The following FILIP1L variants were observed in gnomAD, a reference collection of about 807,000 sequenced individuals.
FILIP1L encodes filamin A-interacting protein 1-like.
Under a neutral mutation model 96.6 loss-of-function variants are expected in FILIP1L, and 55 were observed. The ratio of observed to expected loss-of-function variants is 0.57; its 90% confidence interval spans 0.46 to 0.71. FILIP1L has a LOEUF of 0.71. Among genes scored for constraint, FILIP1L ranks in the 30% least tolerant of loss-of-function variants. FILIP1L has a pLI of 0.00. For missense variants in FILIP1L, 1,304 were observed against 1,321.2 expected, an observed-to-expected ratio of 0.99 and a Z score of 0.20; for synonymous variants, 467 against 473.9, an observed-to-expected ratio of 0.99 and a Z score of 0.19.
At chr3:99,903,686 C>T (rs997233736) in intron 4 of FILIP1L, among the ~76,000 whole-genome samples, 2 of 152,072 alleles carry the variant, frequency 1.3e-5, no homozygotes, top group Non-Finnish European at 2.9e-5. Context: ...AAGCTTGCAT[C>T]TTAACAGGAC....
intron 1 of FILIP1L, among the ~76,000 whole-genome samples, chr3:100,081,587 G>T (rs1487435669): frequency 6.6e-6 from 1 of 152,160 alleles, no homozygotes; most frequent in Non-Finnish European, 1.5e-5. Flanking sequence ...TTTGGCCTCT[G>T]CACCCTAATT....
At position 99,920,145 on chromosome 3, in the gene FILIP1L, C is replaced by A. The variant is rs572313392; in HGVS notation, c.605+4085G>T. Among the ~76,000 whole-genome samples the A allele has an allele frequency of 1.2e-4, 18 of 152,260 alleles. No homozygotes were observed. In the South Asian group the frequency reaches 3.5e-3, roughly 30 times the overall value. ...ATACAGAGCTGCCATAACAATATTT[C>A]TTTCCTGCTTTAGTTGTTGTTTCAA... On this transcript the variant is annotated intron_variant, in intron 4 of 5. Transcript: ENST00000477258.
chr3:99,974,165 A>G (rs1708901541), intron 1 of FILIP1L, among the ~76,000 whole-genome samples: 1 of 152,198 alleles, frequency 6.6e-6, no homozygotes, highest in South Asian at 2.1e-4. Flanking sequence ...ATTGGACAAT[A>G]TGAGTATTTC....
chr3:99,907,392 C>T (rs1228138514), intron 4 of FILIP1L, among the ~76,000 whole-genome samples: 2 of 152,060 alleles, frequency 1.3e-5, no homozygotes, highest in Non-Finnish European at 2.9e-5. Flanking sequence ...GGACTACAGG[C>T]GCCCACCACC....
chr3:99,841,192 A>G (rs988358016), intron 5 of FILIP1L, among the ~76,000 whole-genome samples: 1 of 152,226 alleles, frequency 6.6e-6, no homozygotes, highest in African/African-American at 2.4e-5. Flanking sequence ...TTGCATAAGG[A>G]TCGTTTCCAC....
At chr3:99,996,636 TG>T in intron 1 of FILIP1L, among the ~76,000 whole-genome samples, 1 of 152,250 alleles carries the variant, frequency 6.6e-6, no homozygotes, top group African/African-American at 2.4e-5. Context: ...TCCACATGTC[TG>T]GGGAGTCCTC....
Position 100,046,856 on chromosome 3 carries a change from G to A in FILIP1L, c.-11+67197C>T, listed in dbSNP as rs540301341. 9.8e-5 allele frequency among the ~76,000 whole-genome samples: 15 copies of A among 152,322 alleles called. No homozygotes were observed. The East Asian group carries it at 2.5e-3, about 25-fold the overall frequency. ...TGCTCAGTGAGTGGTGAGTGGCCAA[G>A]TAACCCAGTTTTCCTATTTTCCATG... On this transcript the variant is annotated intron_variant, in intron 1 of 5. Coordinates refer to ENST00000477258, the MANE Select transcript of FILIP1L (RefSeq NM_001387850.1).
chr3:99,831,912 C>T (rs974578081), intron 5 of FILIP1L, among the ~76,000 whole-genome samples: 1 of 152,196 alleles, frequency 6.6e-6, no homozygotes, highest in Non-Finnish European at 1.5e-5. Context: ...TCACCTGGAA[C>T]TCTAGCCTAC....
chr3:99,962,984 G>A (rs1404557479), intron 1 of FILIP1L, among the ~76,000 whole-genome samples: 2 of 152,236 alleles, frequency 1.3e-5, no homozygotes, highest in Admixed American at 6.5e-5. Flanking sequence ...TTGCTGCATG[G>A]AAGAGATTGC....
intron 5 of FILIP1L, among the ~76,000 whole-genome samples, chr3:99,841,325 T>G (rs1559651715): frequency 6.6e-6 from 1 of 152,248 alleles, no homozygotes; most frequent in East Asian, 1.9e-4. Context: ...TCAGATAAAC[T>G]GGAGCTTTCC....
chr3:100,010,209 T>C (rs559759392), intron 1 of FILIP1L: 2 of 762,262 alleles, frequency 2.6e-6, no homozygotes. Context: ...TATCAAATGA[T>C]GTAAACTGTC....
Position 99,849,310 on chromosome 3 carries a change from C to A in FILIP1L, c.2366G>T (p.Arg789Ile), listed in dbSNP as rs1943537171. The A allele has an allele frequency of 6.2e-7, 1 of 1,613,994 alleles. No individual in the cohort carries two copies. The highest frequency in any genetic ancestry group is 8.5e-7 in the Non-Finnish European group (1 of 1,179,994). ...AGAAAATACTTGAGGATCGGAAATTCTTCTTCCATTGAGACTAGGCCTGAG... is the reference window on the plus strand; with the variant it reads ...AGAAAATACTTGAGGATCGGAAATTATTCTTCCATTGAGACTAGGCCTGAG... ...KSLRPSLNGR[R>I]ISDPQVFSKE... is the part of the protein sequence containing the mutation. The change falls in exon 5 of 6, where the codon AGA becomes ATA. Residue 789 changes from arginine to isoleucine, a missense_variant. Physicochemically the swap from Arg to Ile is moderately conservative, Grantham distance 97 (BLOSUM62 -3). Coordinates refer to ENST00000477258, the MANE Select transcript of FILIP1L (RefSeq NM_001387850.1).
chr3:99,958,947 T>C (rs1483982878), intron 1 of FILIP1L, among the ~76,000 whole-genome samples: 2 of 152,198 alleles, frequency 1.3e-5, no homozygotes, highest in Non-Finnish European at 2.9e-5. Flanking sequence ...AATAATGAGC[T>C]CTATACCACT....
At chr3:100,051,669 C>A (rs938634323) in intron 1 of FILIP1L, among the ~76,000 whole-genome samples, 1 of 151,688 alleles carries the variant, frequency 6.6e-6, no homozygotes, top group Non-Finnish European at 1.5e-5. Flanking sequence ...ATCCATGTCC[C>A]TACAAAGGAC....
intron 1 of FILIP1L, among the ~76,000 whole-genome samples, chr3:100,074,221 C>G (rs1406304644): frequency 4.6e-5 from 7 of 152,188 alleles, no homozygotes; most frequent in Admixed American, 2.0e-4. Context: ...AATCTGACAG[C>G]CCCCCTGGGC....
intron 1 of FILIP1L, among the ~76,000 whole-genome samples, chr3:99,974,957 A>G (rs1176805757): frequency 6.6e-6 from 1 of 152,176 alleles, no homozygotes; most frequent in East Asian, 1.9e-4. Context: ...TGAATGTGCA[A>G]AGCTAGAAAA....
At chr3:99,898,825 T>G (rs1576557277) in intron 4 of FILIP1L, 1 of 152,236 alleles carries the variant, frequency 6.6e-6, no homozygotes, top group East Asian at 1.9e-4. Flanking sequence ...TGTTTTTGCT[T>G]TGTTTTAATA....
intron 5 of FILIP1L, among the ~76,000 whole-genome samples, chr3:99,833,734 T>C (rs1476099807): frequency 1.3e-5 from 2 of 152,154 alleles, no homozygotes; most frequent in African/African-American, 2.4e-5. Context: ...GCTCTAGAGG[T>C]TGAGAAGTTG....
intron 1 of FILIP1L, among the ~76,000 whole-genome samples, chr3:99,955,415 G>A (rs544061627): frequency 5.3e-5 from 8 of 152,198 alleles, no homozygotes; most frequent in Non-Finnish European, 1.2e-4. Flanking sequence ...TTTTTTTAGC[G>A]AAGGCATTTA....
Sources: allele counts gnomAD v4.1 joint callset (sites outside exome capture counted in the v4.1 genomes callset), GRCh38; gene constraint gnomAD v4.1.1; transcripts MANE v1.5; gene names NCBI Gene and HGNC (gene_info 2026-07-23, HGNC 2026-07-21).